Variants in SGCG observed in about 807,000 individuals in gnomAD.
The protein encoded by SGCG is gamma-sarcoglycan.
SGCG carries 26 observed loss-of-function variants against 29.3 expected under a neutral mutation model. The observed-to-expected ratio is 0.89, with a 90% CI of 0.65 to 1.23. The LOEUF (loss-of-function observed/expected upper bound fraction) is 1.23. Among genes scored for constraint, SGCG ranks in the 50% most tolerant of loss-of-function variants. The probability of loss-of-function intolerance (pLI) is 0.00; values close to 1 mark genes in which losing one functional copy is unlikely to be tolerated. For synonymous variants in SGCG, 145 were observed against 129.7 expected, an observed-to-expected ratio of 1.12 and a Z score of -0.80; for missense variants, 353 against 356.0, an observed-to-expected ratio of 0.99 and a Z score of 0.07.
chr13:23,196,300 C>T (rs1877505482), intron 1 of SGCG, among the ~76,000 whole-genome samples: 1 of 151,984 alleles, frequency 6.6e-6, no homozygotes, highest in African/African-American at 2.4e-5. Context: ...TAGTTGTTTC[C>T]TTTGGGTAAG....
intron 4 of SGCG, among the ~76,000 whole-genome samples, chr13:23,261,345 T>A (rs1013803740): frequency 8.6e-5 from 13 of 151,924 alleles, no homozygotes; most frequent in African/African-American, 3.1e-4. Context: ...AAAGACACAT[T>A]TAGGGAACTA....
Position 23,321,624 on chromosome 13 carries a change from G to A in SGCG, c.702+864G>A, listed in dbSNP as rs570947915. Among the ~76,000 whole-genome samples, 48 of 152,302 alleles carry A rather than the reference G, an allele frequency of 3.2e-4. No individual in the cohort carries two copies. The South Asian group carries it at 8.9e-3, about 28-fold the overall frequency. ...GGAGCGTAGACAGCTGGAGATGCTG[G>A]ACACAGGGATGATTCATGTCCTGGG... On this transcript the variant is annotated intron_variant, in intron 7 of 7. Transcript: ENST00000218867.
chr13:23,169,546 G>A, the SGCG span, among the ~76,000 whole-genome samples: 7 of 151,984 alleles, frequency 4.6e-5, no homozygotes, highest in African/African-American at 1.7e-4. Flanking sequence ...GGGCATAGTG[G>A]TGCATGCCTG....
chr13:23,167,322 G>C, the SGCG span, among the ~76,000 whole-genome samples: 12 of 152,128 alleles, frequency 7.9e-5, no homozygotes, highest in African/African-American at 2.9e-4. Context: ...ATGAATATAG[G>C]TTGCTTCCAA....
intron 6 of SGCG, among the ~76,000 whole-genome samples, chr13:23,311,750 C>A (rs951448386): frequency 6.6e-6 from 1 of 152,180 alleles, no homozygotes; most frequent in Non-Finnish European, 1.5e-5. Flanking sequence ...CTAAATGATG[C>A]AAGGTCACTT....
At chr13:23,300,837 C>T (rs1344633337) in intron 6 of SGCG, among the ~76,000 whole-genome samples, 3 of 147,642 alleles carry the variant, frequency 2.0e-5, no homozygotes, top group Non-Finnish European at 4.5e-5. Context: ...AAAAAAGGGC[C>T]GGGCGCGGTG....
At chr13:23,249,095 T>A (rs1879857744) in intron 3 of SGCG, among the ~76,000 whole-genome samples, 1 of 151,924 alleles carries the variant, frequency 6.6e-6, no homozygotes, top group African/African-American at 2.4e-5. Flanking sequence ...AATCTTGCAA[T>A]GCAAATGTGC....
At chr13:23,222,732 G>A (rs1447467318) in intron 2 of SGCG, among the ~76,000 whole-genome samples, 1 of 152,156 alleles carries the variant, frequency 6.6e-6, no homozygotes, top group African/African-American at 2.4e-5. Flanking sequence ...GGAAGCTGAG[G>A]CATAAGACTC....
intron 2 of SGCG, among the ~76,000 whole-genome samples, chr13:23,224,646 A>G (rs1279267286): frequency 1.3e-4 from 19 of 151,582 alleles, no homozygotes. Flanking sequence ...CCAAATTCCA[A>G]CCCCAAACAG....
At chr13:23,257,353 T>C (rs966938151) in intron 4 of SGCG, among the ~76,000 whole-genome samples, 1 of 152,156 alleles carries the variant, frequency 6.6e-6, no homozygotes, top group Non-Finnish European at 1.5e-5. Flanking sequence ...GTTGCTTTGC[T>C]GCACCCATTA....
intron 4 of SGCG, among the ~76,000 whole-genome samples, chr13:23,258,368 G>A (rs994954478): frequency 1.3e-5 from 2 of 151,882 alleles, no homozygotes; most frequent in African/African-American, 4.8e-5. Flanking sequence ...TGGTGTATAG[G>A]GATGCTCGTG....
chr13:23,262,909 G>A (rs530089871), intron 4 of SGCG, among the ~76,000 whole-genome samples: 5 of 152,082 alleles, frequency 3.3e-5, no homozygotes, highest in African/African-American at 7.2e-5. Context: ...GAATGATTTT[G>A]GGGTTAACAA....
At chr13:23,281,799 G>A (rs565549653) in intron 5 of SGCG, among the ~76,000 whole-genome samples, 2 of 152,260 alleles carry the variant, frequency 1.3e-5, no homozygotes, top group East Asian at 1.9e-4. Context: ...GATAGGAGGC[G>A]GGGCTCAGGC....
intron 2 of SGCG, among the ~76,000 whole-genome samples, chr13:23,221,351 C>A (rs887412732): frequency 6.6e-6 from 1 of 152,146 alleles, no homozygotes; most frequent in Non-Finnish European, 1.5e-5. Flanking sequence ...GACTATATAA[C>A]ACAAACTAAA....
At chr13:23,238,196 C>T (rs1297673343) in intron 3 of SGCG, among the ~76,000 whole-genome samples, 2 of 152,102 alleles carry the variant, frequency 1.3e-5, no homozygotes, top group Non-Finnish European at 2.9e-5. Flanking sequence ...CCAATGCAGA[C>T]ACAGGTGGTC....
chr13:23,186,780 G>A (rs1290801778), intron 1 of SGCG, among the ~76,000 whole-genome samples: 6 of 152,244 alleles, frequency 3.9e-5, no homozygotes, highest in Non-Finnish European at 8.8e-5. Flanking sequence ...TGTACCTAGC[G>A]CCCCTCTGCC....
intron 2 of SGCG, among the ~76,000 whole-genome samples, chr13:23,230,587 G>A (rs2137539808): frequency 6.6e-6 from 1 of 152,202 alleles, no homozygotes. Flanking sequence ...TCAGCTTAGG[G>A]GTGCTGTTAA....
At chr13:23,206,434 T>C (rs1346941775) in intron 2 of SGCG, among the ~76,000 whole-genome samples, 1 of 152,226 alleles carries the variant, frequency 6.6e-6, no homozygotes, top group Non-Finnish European at 1.5e-5. Flanking sequence ...TTTGTGCTTA[T>C]TTCACTTTGC....
chr13:23,188,346 A>G (rs1010419434), intron 1 of SGCG, among the ~76,000 whole-genome samples: 1 of 104,938 alleles, frequency 9.5e-6, no homozygotes, highest in African/African-American at 4.0e-5. Context: ...TTTTTTTGAG[A>G]TAAGAGTCTT....
Sources: gnomAD v4.1 joint callset for allele counts (sites outside exome capture counted in the v4.1 genomes callset) on GRCh38, gnomAD v4.1.1 for gene constraint, MANE v1.5 for transcripts, NCBI Gene and HGNC (gene_info 2026-07-23, HGNC 2026-07-21) for gene names.